The following KCNIP4 variants were observed in gnomAD, a reference collection of about 807,000 sequenced individuals.
KCNIP4 encodes the protein potassium voltage-gated channel interacting protein 4.
A neutral mutation model predicts 34.0 loss-of-function variants in KCNIP4; 12 were observed. That is an observed-to-expected ratio of 0.35 (90% confidence interval 0.23 to 0.57). KCNIP4 has a LOEUF of 0.57. Among genes scored for constraint, KCNIP4 ranks in the 20% least tolerant of loss-of-function variants. The pLI, the probability that KCNIP4 is intolerant of heterozygous loss-of-function variation, is 0.83. For synonymous variants in KCNIP4, 124 were observed against 102.2 expected, an observed-to-expected ratio of 1.21 and a Z score of -1.29; for missense variants, 238 against 311.7, an observed-to-expected ratio of 0.76 and a Z score of 1.78.
At chr4:21,053,720 T>G (rs1743139408) in intron 1 of KCNIP4, among the ~76,000 whole-genome samples, 1 of 152,152 alleles carries the variant, frequency 6.6e-6, no homozygotes, top group Non-Finnish European at 1.5e-5. Context: ...GTACCAGCAA[T>G]GAACATATAG....
At chr4:21,512,150 AAGGG>A (rs199906705) in intron 1 of KCNIP4, among the ~76,000 whole-genome samples, 1,906 of 87,542 alleles carry the variant, frequency 0.022, 44 homozygotes, top group African/African-American at 0.051. Context: ...GAAAGGAAGC[AAGGG>A]AGGGAGGGAG....
At chr4:20,742,277 T>A (rs1039104661) in intron 5 of KCNIP4, among the ~76,000 whole-genome samples, 2 of 152,132 alleles carry the variant, frequency 1.3e-5, no homozygotes, top group African/African-American at 4.8e-5. Context: ...AAAAGAATTT[T>A]AGACCAATAT....
At chr4:21,814,466 C>A (rs751085855) in intron 1 of KCNIP4, among the ~76,000 whole-genome samples, 1 of 152,144 alleles carries the variant, frequency 6.6e-6, no homozygotes, top group Non-Finnish European at 1.5e-5. Context: ...TGCACAAGCT[C>A]TCTCCTGCCT....
intron 5 of KCNIP4, among the ~76,000 whole-genome samples, chr4:20,739,504 T>C (rs1045809826): frequency 5.9e-5 from 9 of 152,300 alleles, no homozygotes; most frequent in Non-Finnish European, 1.3e-4. Context: ...CTGAGGGTCC[T>C]GACTGTTAGA....
intron 1 of KCNIP4, among the ~76,000 whole-genome samples, chr4:21,372,178 A>G (rs996753420): frequency 6.8e-6 from 1 of 147,366 alleles, no homozygotes; most frequent in Non-Finnish European, 1.5e-5. Flanking sequence ...AGGAGTCTTT[A>G]CATTTTCTAG....
At chr4:21,599,910 T>C (rs571598459) in intron 1 of KCNIP4, among the ~76,000 whole-genome samples, 29 of 152,142 alleles carry the variant, frequency 1.9e-4, no homozygotes, top group African/African-American at 6.5e-4. Flanking sequence ...TTGACGACAA[T>C]AGAGACACAG....
At chr4:20,931,204 C>G (rs185529629) in intron 1 of KCNIP4, among the ~76,000 whole-genome samples, 3 of 151,170 alleles carry the variant, frequency 2.0e-5, no homozygotes, top group Non-Finnish European at 4.4e-5. Flanking sequence ...CACAGACACA[C>G]ACACACACAA....
At position 21,384,665 on chromosome 4, in the gene KCNIP4, T is replaced by C. The variant is rs529902736; in HGVS notation, c.62-501956A>G. Among the ~76,000 whole-genome samples the C allele has an allele frequency of 2.3e-3, 352 of 152,336 alleles. 3 individuals are homozygous for C. Among genetic ancestry groups the C allele is most frequent in the Non-Finnish European group, 3.4e-3 (228 of 68,024 alleles). On this transcript the variant is annotated intron_variant, in intron 1 of 8. Transcript: ENST00000382152. ...TCACAGTGAATCAGAAAGGACAGAA[T>C]TGATCCAGAGAATTTGCCCCAGAGA...
At chr4:21,842,618 T>C (rs1723754119) in intron 1 of KCNIP4, among the ~76,000 whole-genome samples, 1 of 152,098 alleles carries the variant, frequency 6.6e-6, no homozygotes, top group African/African-American at 2.4e-5. Context: ...TAGAGCTCTA[T>C]GGAGATACTT....
chr4:21,723,025 T>C (rs1247550092), intron 1 of KCNIP4, among the ~76,000 whole-genome samples: 1 of 151,764 alleles, frequency 6.6e-6, no homozygotes, highest in Admixed American at 6.6e-5. Flanking sequence ...ACTGTCTATC[T>C]ACCTAGACAT....
intron 2 of KCNIP4, among the ~76,000 whole-genome samples, chr4:20,871,305 G>C (rs1398198853): frequency 2.0e-5 from 3 of 152,066 alleles, no homozygotes; most frequent in African/African-American, 7.2e-5. Flanking sequence ...ACATGGTTCT[G>C]AAGTTGATAA....
At chr4:21,015,590 A>G (rs1399824076) in intron 1 of KCNIP4, among the ~76,000 whole-genome samples, 1 of 129,602 alleles carries the variant, frequency 7.7e-6, no homozygotes, top group East Asian at 2.0e-4. Flanking sequence ...ATAATATAAT[A>G]TAGTATATTG....
chr4:20,943,808 G>A (rs1731905960), intron 1 of KCNIP4, among the ~76,000 whole-genome samples: 1 of 152,170 alleles, frequency 6.6e-6, no homozygotes, highest in African/African-American at 2.4e-5. Context: ...TCCCATACTA[G>A]CTCAACAAGG....
chr4:21,785,526 A>T (rs1719844831), intron 1 of KCNIP4, among the ~76,000 whole-genome samples: 1 of 152,156 alleles, frequency 6.6e-6, no homozygotes, highest in East Asian at 1.9e-4. Flanking sequence ...CAGGAGGCAG[A>T]GGTTGCAGTG....
chr4:21,946,640 A>AT (rs1375897892), intron 1 of KCNIP4, among the ~76,000 whole-genome samples: 2 of 152,346 alleles, frequency 1.3e-5, no homozygotes, highest in East Asian at 3.9e-4. Context: ...ATCAACAAGA[A>AT]TAAAAAAGAT....
chr4:21,946,279 T>TC (rs1336929078), intron 1 of KCNIP4, among the ~76,000 whole-genome samples: 2 of 151,766 alleles, frequency 1.3e-5, no homozygotes, highest in African/African-American at 2.4e-5. Context: ...CACCTACATT[T>TC]CTCTCAGTTA....
At chr4:21,773,751 T>TTGTTTTG (rs369331989) in intron 1 of KCNIP4, among the ~76,000 whole-genome samples, 3,764 of 110,146 alleles carry the variant, frequency 0.034, 232 homozygotes, top group African/African-American at 0.15. Flanking sequence ...TGTTGTTTTT[T>TTGTTTTG]TTTTTTTGTT....
intron 1 of KCNIP4, among the ~76,000 whole-genome samples, chr4:21,909,302 A>G (rs1728168673): frequency 6.6e-6 from 1 of 151,958 alleles, no homozygotes; most frequent in Admixed American, 6.6e-5. Context: ...CAGCCAAGTA[A>G]ATGTCTCTGA....
In KCNIP4 at chr4:21,363,097, CAG is replaced by C. The variant is rs371711644; in HGVS notation, c.62-480390_62-480389del. On this transcript the variant is annotated intron_variant, in intron 1 of 8. Coordinates refer to ENST00000382152, the MANE Select transcript of KCNIP4 (RefSeq NM_025221.6). ...TATCTCCTTTTTGCAAATGAGAAAACAGAGCCTCAGAGAGGTTTAGAAACTTG... is the reference window on the plus strand; with the variant it reads ...TATCTCCTTTTTGCAAATGAGAAAACAGCCTCAGAGAGGTTTAGAAACTTG... Among the ~76,000 whole-genome samples, 434 of 152,202 alleles carry C rather than the reference CAG, an allele frequency of 2.9e-3. 2 individuals are homozygous for C. Among genetic ancestry groups the C allele is most frequent in the African/African-American group, 9.6e-3 (398 of 41,536 alleles).
Sources: gnomAD v4.1 joint callset for allele counts (sites outside exome capture counted in the v4.1 genomes callset) on GRCh38, gnomAD v4.1.1 for gene constraint, MANE v1.5 for transcripts, NCBI Gene and HGNC (gene_info 2026-07-23, HGNC 2026-07-21) for gene names.